NRG1: variants seen among roughly 807,000 people sequenced by gnomAD.
NRG1 encodes neuregulin 1.
Under a neutral mutation model 63.8 loss-of-function variants are expected in NRG1, and 18 were observed. The observed-to-expected ratio is 0.28, with a 90% CI of 0.19 to 0.42. The LOEUF is 0.42. Ranked by LOEUF, NRG1 falls within the 10% of genes least tolerant of loss-of-function variation. NRG1 has a pLI of 1.00. For missense variants in NRG1, 762 were observed against 814.7 expected, an observed-to-expected ratio of 0.94 and a Z score of 0.79; for synonymous variants, 302 against 301.3, an observed-to-expected ratio of 1.00 and a Z score of -0.02.
At chr8:31,842,959 C>T (rs529623017) in intron 1 of NRG1, among the ~76,000 whole-genome samples, 1 of 152,164 alleles carries the variant, frequency 6.6e-6, no homozygotes, top group South Asian at 2.1e-4. Flanking sequence ...TGAGAAATGG[C>T]TTGAAGATAG....
At chr8:31,798,799 G>A (rs1821481895) in intron 1 of NRG1, among the ~76,000 whole-genome samples, 1 of 151,952 alleles carries the variant, frequency 6.6e-6, no homozygotes, top group Non-Finnish European at 1.5e-5. Context: ...GACACAGATG[G>A]CTCTGACATC....
At chr8:32,728,609 T>C in intron 6 of NRG1, 1 of 984,408 alleles carries the variant, frequency 1.0e-6, no homozygotes, top group Non-Finnish European at 1.2e-6. Flanking sequence ...TAGTTTTATA[T>C]TGCTAGTAAA....
intron 1 of NRG1, among the ~76,000 whole-genome samples, chr8:31,740,188 A>G (rs537652835): frequency 1.3e-5 from 2 of 152,088 alleles, no homozygotes; most frequent in Non-Finnish European, 2.9e-5. Context: ...TTATGATAGT[A>G]TTTAAATAAG....
intron 1 of NRG1, among the ~76,000 whole-genome samples, chr8:31,970,235 A>T (rs1807054080): frequency 6.6e-6 from 1 of 152,164 alleles, no homozygotes. Flanking sequence ...TCAGATATAG[A>T]TTACAACCAT....
intron 1 of NRG1, among the ~76,000 whole-genome samples, chr8:32,310,139 G>T (rs7018141): frequency 0.25 from 37,353 of 152,214 alleles, 5,388 homozygotes; most frequent in South Asian, 0.4. Context: ...AGGGGAAAAA[G>T]GACAAGCAGC....
intron 2 of NRG1, among the ~76,000 whole-genome samples, chr8:32,604,047 G>A (rs776786630): frequency 6.6e-6 from 1 of 152,132 alleles, no homozygotes; most frequent in Non-Finnish European, 1.5e-5. Context: ...ACTCTCCAAA[G>A]TATATGTCCT....
At chr8:32,262,840 T>G (rs1201233709) in intron 1 of NRG1, among the ~76,000 whole-genome samples, 1 of 152,142 alleles carries the variant, frequency 6.6e-6, no homozygotes, top group Non-Finnish European at 1.5e-5. Context: ...AGAAAATATG[T>G]AAATAATAGG....
At chr8:32,045,945 G>C (rs1405731720) in intron 1 of NRG1, among the ~76,000 whole-genome samples, 1 of 151,918 alleles carries the variant, frequency 6.6e-6, no homozygotes, top group African/African-American at 2.4e-5. Context: ...ATTTAAATTG[G>C]ACTTTATACA....
intron 1 of NRG1, among the ~76,000 whole-genome samples, chr8:32,297,097 G>C (rs1174306009): frequency 1.3e-5 from 2 of 152,058 alleles, no homozygotes; most frequent in African/African-American, 4.8e-5. Flanking sequence ...CCTGGTGACA[G>C]AATGAGACGC....
chr8:32,735,006 A>T (rs2129028055), intron 6 of NRG1, among the ~76,000 whole-genome samples: 1 of 152,314 alleles, frequency 6.6e-6, no homozygotes, highest in African/African-American at 2.4e-5. Flanking sequence ...ATTATAAATC[A>T]CAGGTTTGCC....
At chr8:31,742,884 C>G (rs529120174) in intron 1 of NRG1, among the ~76,000 whole-genome samples, 1 of 152,068 alleles carries the variant, frequency 6.6e-6, no homozygotes, top group East Asian at 1.9e-4. Flanking sequence ...TGACAGAACT[C>G]AATGGCATAG....
intron 1 of NRG1, among the ~76,000 whole-genome samples, chr8:32,059,456 T>G (rs1823499946): frequency 6.6e-6 from 1 of 152,030 alleles, no homozygotes; most frequent in Non-Finnish European, 1.5e-5. Flanking sequence ...ATTATCCTCT[T>G]GTTTTATTAT....
chr8:32,027,580 T>C (rs920620895), intron 1 of NRG1, among the ~76,000 whole-genome samples: 2 of 151,278 alleles, frequency 1.3e-5, no homozygotes, highest in African/African-American at 4.9e-5. Context: ...TGGGATATAT[T>C]GTAGGTGGCC....
intron 1 of NRG1, among the ~76,000 whole-genome samples, chr8:32,465,136 G>C (rs1386054399): frequency 6.6e-6 from 1 of 152,170 alleles, no homozygotes; most frequent in African/African-American, 2.4e-5. Flanking sequence ...ATGGGTGACA[G>C]AGTGAGATTC....
chr8:31,781,514 A>G (rs1401682979), intron 1 of NRG1, among the ~76,000 whole-genome samples: 1 of 152,184 alleles, frequency 6.6e-6, no homozygotes, highest in African/African-American at 2.4e-5. Context: ...AGACGTGTAC[A>G]TATAATATTA....
chr8:32,677,517 G>C (rs531897513), intron 5 of NRG1, among the ~76,000 whole-genome samples: 10 of 152,054 alleles, frequency 6.6e-5, no homozygotes, highest in African/African-American at 1.4e-4. Context: ...AATTAGCCAG[G>C]CATGGTGGCA....
chr8:32,521,626 A>T (rs1034391872), intron 1 of NRG1, among the ~76,000 whole-genome samples: 1 of 152,236 alleles, frequency 6.6e-6, no homozygotes, highest in African/African-American at 2.4e-5. Context: ...TTAATTTTTT[A>T]ATATTATAAG....
At chr8:32,359,619 T>A (rs1806952511) in intron 1 of NRG1, among the ~76,000 whole-genome samples, 1 of 152,212 alleles carries the variant, frequency 6.6e-6, no homozygotes, top group South Asian at 2.1e-4. Context: ...AAACTACAAT[T>A]ATCTAAGATG....
At chr8:32,366,483 A>T (rs1199110415) in intron 1 of NRG1, among the ~76,000 whole-genome samples, 1 of 151,972 alleles carries the variant, frequency 6.6e-6, no homozygotes, top group Non-Finnish European at 1.5e-5. Context: ...TTCACTTAAC[A>T]TAATGACATC....
Sources: gnomAD v4.1 joint callset for allele counts (sites outside exome capture counted in the v4.1 genomes callset) on GRCh38, gnomAD v4.1.1 for gene constraint, MANE v1.5 for transcripts, NCBI Gene and HGNC (gene_info 2026-07-23, HGNC 2026-07-21) for gene names.